The following RIMS1 variants were observed in gnomAD, a reference collection of about 807,000 sequenced individuals.
The protein encoded by RIMS1 is regulating synaptic membrane exocytosis 1.
In RIMS1, 83 loss-of-function variants were observed where a neutral mutation model predicts 214.1. The ratio of observed to expected loss-of-function variants is 0.39; its 90% CI spans 0.32 to 0.47. The LOEUF (loss-of-function observed/expected upper bound fraction) is 0.47. Ranked by LOEUF, RIMS1 falls within the 20% of genes least tolerant of loss-of-function variation. The pLI is 0.99. For synonymous variants in RIMS1, 793 were observed against 786.8 expected (o/e 1.01, Z -0.13); for missense variants, 2,050 against 2,161.8 (o/e 0.95, Z 1.03).
chr6:71,916,364 C>T (rs765746916), intron 1 of RIMS1, among the ~76,000 whole-genome samples: 1 of 152,046 alleles, frequency 6.6e-6, no homozygotes, highest in South Asian at 2.1e-4. Context: ...TAGGCTGTTT[C>T]CAATGTTACA....
At chr6:72,169,222 A>G (rs1483429296) in intron 4 of RIMS1, among the ~76,000 whole-genome samples, 3 of 152,164 alleles carry the variant, frequency 2.0e-5, no homozygotes, top group African/African-American at 7.2e-5. Flanking sequence ...TCTTATTTTA[A>G]TTTCTACTTC....
chr6:71,932,182 G>A (rs1220884720), intron 1 of RIMS1, among the ~76,000 whole-genome samples: 1 of 152,114 alleles, frequency 6.6e-6, no homozygotes, highest in Non-Finnish European at 1.5e-5. Context: ...GCACACGTAT[G>A]TTCATTGCAG....
chr6:71,920,955 A>C (rs576338725), intron 1 of RIMS1, among the ~76,000 whole-genome samples: 1 of 152,344 alleles, frequency 6.6e-6, no homozygotes, highest in South Asian at 2.1e-4. Context: ...AGATACTTCT[A>C]ATGGGTGATT....
At chr6:72,065,075 A>G (rs77043113) in intron 2 of RIMS1, among the ~76,000 whole-genome samples, 1 of 152,194 alleles carries the variant, frequency 6.6e-6, no homozygotes, top group African/African-American at 2.4e-5. Flanking sequence ...TGGTGATATG[A>G]TTAGTTATTA....
chr6:72,034,938 T>C (rs759658557), intron 2 of RIMS1, among the ~76,000 whole-genome samples: 36 of 152,204 alleles, frequency 2.4e-4, no homozygotes, highest in Non-Finnish European at 4.4e-4. Context: ...TGCTTCTGTT[T>C]GGACATTATA....
intron 29 of RIMS1, among the ~76,000 whole-genome samples, chr6:72,360,710 T>A (rs958061561): frequency 2.8e-5 from 4 of 144,824 alleles, no homozygotes; most frequent in Non-Finnish European, 6.2e-5. Flanking sequence ...TATACTATAT[T>A]TTTTTTACTA....
At chr6:72,392,560 A>T (rs769899110) in intron 30 of RIMS1, 138 bp from the exon 31 acceptor site, 156 of 718,740 alleles carry the variant, frequency 2.2e-4, no homozygotes, top group Non-Finnish European at 3.5e-4. Flanking sequence ...AAGGCAATGC[A>T]AAGAATCAAT....
chr6:71,996,926 A>G (rs1206142363), intron 2 of RIMS1, among the ~76,000 whole-genome samples: 1 of 152,220 alleles, frequency 6.6e-6, no homozygotes, highest in Non-Finnish European at 1.5e-5. Flanking sequence ...TTTATAATTG[A>G]TAGGTAATAA....
intron 1 of RIMS1, among the ~76,000 whole-genome samples, chr6:71,892,305 C>T (rs1340112215): frequency 6.6e-6 from 1 of 152,206 alleles, no homozygotes; most frequent in African/African-American, 2.4e-5. Flanking sequence ...CCCAGGCTCA[C>T]CTCTTGAAGA....
intron 2 of RIMS1, among the ~76,000 whole-genome samples, chr6:72,053,260 T>C (rs1186940115): frequency 3.9e-5 from 6 of 152,234 alleles, no homozygotes; most frequent in Non-Finnish European, 7.3e-5. Context: ...CTGTAGCTCA[T>C]GTAGAAATGT....
intron 6 of RIMS1, among the ~76,000 whole-genome samples, chr6:72,190,418 G>A (rs940080888): frequency 6.7e-6 from 1 of 148,374 alleles, no homozygotes; most frequent in Admixed American, 6.8e-5. Flanking sequence ...AGCTGAGATC[G>A]CGCCATTGCA....
At chr6:72,336,263 C>A (rs2096839676) in intron 29 of RIMS1, among the ~76,000 whole-genome samples, 1 of 151,700 alleles carries the variant, frequency 6.6e-6, no homozygotes, top group South Asian at 2.1e-4. Flanking sequence ...GCATAGTTTT[C>A]TTATAAAACA....
chr6:72,294,997 C>A (rs2093911823), intron 26 of RIMS1, among the ~76,000 whole-genome samples: 1 of 151,658 alleles, frequency 6.6e-6, no homozygotes, highest in Admixed American at 6.6e-5. Context: ...CCCAGCATAT[C>A]CCTTATGTAG....
intron 2 of RIMS1, among the ~76,000 whole-genome samples, chr6:72,047,064 C>A (rs1823262666): frequency 6.6e-6 from 1 of 151,986 alleles, no homozygotes; most frequent in Non-Finnish European, 1.5e-5. Flanking sequence ...TGTTATATAG[C>A]CTAAAATGAA....
intron 26 of RIMS1, among the ~76,000 whole-genome samples, chr6:72,300,255 T>G (rs1327715926): frequency 6.6e-6 from 1 of 151,732 alleles, no homozygotes; most frequent in Non-Finnish European, 1.5e-5. Flanking sequence ...CTTTTAAAGC[T>G]TCAAAGGATT....
chr6:72,067,636 T>C (rs897159879), intron 2 of RIMS1, among the ~76,000 whole-genome samples: 3 of 152,216 alleles, frequency 2.0e-5, no homozygotes, highest in African/African-American at 7.2e-5. Context: ...CTAGAACATA[T>C]ACCCCTTGAG....
intron 29 of RIMS1, among the ~76,000 whole-genome samples, chr6:72,343,989 A>C (rs1029002688): frequency 1.3e-5 from 2 of 151,836 alleles, no homozygotes; most frequent in African/African-American, 4.8e-5. Flanking sequence ...ATCTAAAGGG[A>C]TAGTGCTTGA....
rs756585352 is a variant in RIMS1 at position 72,097,113 on chromosome 6, C to T, written c.410C>T (p.Thr137Ile). The part of the protein sequence containing the change: ...GCGHLCSYCR[T>I]KFCARCGGRV... ...GGTCATCTCTGCTCCTATTGTCGCA[C>T]TAAGTTCTGTGCGCGCTGCGGAGGC... Residue 137 changes from threonine to isoleucine, a missense_variant, in exon 3 of 34, where the codon ACT becomes ATT. This residue lies in a region of RIMS1 where 882 missense variants were observed against 828.9 expected (regional missense o/e 1.06). Transcript: ENST00000521978. 1 of 1,614,028 alleles carries T rather than the reference C, an allele frequency of 6.2e-7. No homozygotes were observed. Among genetic ancestry groups the T allele is most frequent in the South Asian group, 1.1e-5 (1 of 91,088 alleles).
intron 29 of RIMS1, among the ~76,000 whole-genome samples, chr6:72,347,054 A>G (rs1289655557): frequency 6.6e-6 from 1 of 151,610 alleles, no homozygotes; most frequent in Non-Finnish European, 1.5e-5. Flanking sequence ...CCATGACTTT[A>G]TTTTTTTCCA....
Sources: gnomAD v4.1 joint callset for allele counts (sites outside exome capture counted in the v4.1 genomes callset) on GRCh38, gnomAD v4.1.1 for gene constraint, gnomAD v4.1.1 regional missense constraint, MANE v1.5 for transcripts, NCBI Gene and HGNC (gene_info 2026-07-23, HGNC 2026-07-21) for gene names.